The following NELL1 variants were observed in gnomAD, a reference collection of about 807,000 sequenced individuals.
NELL1 encodes protein kinase C-binding protein NELL1.
NELL1 carries 76 observed loss-of-function variants against 107.4 expected under a neutral mutation model. The observed-to-expected ratio is 0.71, with a 90% CI of 0.59 to 0.86. The LOEUF (loss-of-function observed/expected upper bound fraction) is 0.86, where lower values mean the gene tolerates loss of function less well. Among genes scored for constraint, NELL1 ranks in the 40% least tolerant of loss-of-function variants. NELL1 has a pLI of 0.00. For missense variants in NELL1, 1,024 were observed against 1,005.5 expected, an observed-to-expected ratio of 1.02 and a Z score of -0.25; for synonymous variants, 353 against 341.2, an observed-to-expected ratio of 1.03 and a Z score of -0.38.
intron 3 of NELL1, among the ~76,000 whole-genome samples, chr11:20,802,821 G>A (rs754476489): frequency 1.1e-4 from 17 of 152,124 alleles, no homozygotes; most frequent in African/African-American, 1.2e-4. Flanking sequence ...ATCAAGTGAA[G>A]TGATTGTATA....
chr11:21,205,689 G>T (rs147328659), intron 13 of NELL1, among the ~76,000 whole-genome samples: 1 of 152,232 alleles, frequency 6.6e-6, no homozygotes, highest in Non-Finnish European at 1.5e-5. Context: ...CAGCAAGCTC[G>T]CTGTCTGCCC....
chr11:20,822,700 T>C (rs1472785745), intron 3 of NELL1, among the ~76,000 whole-genome samples: 2 of 152,148 alleles, frequency 1.3e-5, no homozygotes, highest in African/African-American at 4.8e-5. Flanking sequence ...AGAGTGGGTA[T>C]GATTTGCCAG....
At chr11:21,541,280 A>C (rs537258982) in intron 16 of NELL1, among the ~76,000 whole-genome samples, 11 of 152,256 alleles carry the variant, frequency 7.2e-5, no homozygotes, top group Admixed American at 6.5e-4. Context: ...TGGGTGAAGC[A>C]GTTTCCTAGA....
chr11:21,251,895 C>T (rs1858647752), intron 14 of NELL1, among the ~76,000 whole-genome samples: 1 of 152,014 alleles, frequency 6.6e-6, no homozygotes, highest in African/African-American at 2.4e-5. Context: ...TCTGGAACAA[C>T]TTCAATGATA....
chr11:21,377,830 T>C (rs974844512), intron 15 of NELL1, among the ~76,000 whole-genome samples: 3 of 152,110 alleles, frequency 2.0e-5, no homozygotes, highest in African/African-American at 7.2e-5. Flanking sequence ...TATGTAGTGG[T>C]GTTCATAATA....
chr11:21,252,925 T>C (rs1858676927), intron 14 of NELL1, among the ~76,000 whole-genome samples: 1 of 152,194 alleles, frequency 6.6e-6, no homozygotes, highest in Non-Finnish European at 1.5e-5. Context: ...TACAACTTAG[T>C]AATTCATGGT....
At chr11:20,684,376 C>G (rs929814644) in intron 2 of NELL1, among the ~76,000 whole-genome samples, 1 of 151,976 alleles carries the variant, frequency 6.6e-6, no homozygotes, top group Admixed American at 6.6e-5. Context: ...TACGAAACTT[C>G]TGTATTATCT....
At chr11:21,309,240 C>A (rs1183465526) in intron 14 of NELL1, among the ~76,000 whole-genome samples, 1 of 128,900 alleles carries the variant, frequency 7.8e-6, no homozygotes, top group African/African-American at 2.9e-5. Context: ...ATTAAAAAAA[C>A]CCACTCTAAA....
chr11:20,931,641 G>GT (rs571058432), intron 9 of NELL1, among the ~76,000 whole-genome samples: 19 of 152,042 alleles, frequency 1.2e-4, no homozygotes, highest in Admixed American at 7.2e-4. Flanking sequence ...GTCAAATCTT[G>GT]TTTTTTAATC....
intron 3 of NELL1, among the ~76,000 whole-genome samples, chr11:20,792,633 C>T (rs1191313413): frequency 6.6e-6 from 1 of 151,860 alleles, no homozygotes; most frequent in African/African-American, 2.4e-5. Flanking sequence ...TGTCTGCCCC[C>T]TTTTATCTAT....
rs558490643 is a variant in NELL1 at position 21,398,703 on chromosome 11, A to G, written c.1645+27755A>G. Among the ~76,000 whole-genome samples, 13 of 151,890 alleles carry G rather than the reference A, an allele frequency of 8.6e-5. No individual in the cohort carries two copies. The South Asian group carries it at 2.1e-3, about 24-fold the overall frequency. On this transcript the variant is annotated intron_variant, in intron 15 of 19. Coordinates refer to ENST00000357134, the MANE Select transcript of NELL1 (RefSeq NM_006157.5). ...TCTTTACAATGTCTGGCAGATGCTC[A>G]GTAAATGGCCTCTGAACAGAATTGA...
intron 5 of NELL1, among the ~76,000 whole-genome samples, chr11:20,911,146 G>T (rs1850123077): frequency 6.6e-6 from 1 of 152,170 alleles, no homozygotes. Flanking sequence ...TAGATATAAA[G>T]AACTTTGTGC....
At chr11:20,766,931 A>G (rs1010050416) in intron 2 of NELL1, among the ~76,000 whole-genome samples, 1 of 151,988 alleles carries the variant, frequency 6.6e-6, no homozygotes, top group Non-Finnish European at 1.5e-5. Context: ...TTTAGTAAAG[A>G]TGGGGTTTCA....
At chr11:20,686,670 A>C (rs1281139650) in intron 2 of NELL1, among the ~76,000 whole-genome samples, 1 of 152,174 alleles carries the variant, frequency 6.6e-6, no homozygotes, top group East Asian at 1.9e-4. Context: ...CTCGGTGATC[A>C]ATATGAGTAG....
chr11:20,988,777 T>A (rs1851908571), intron 12 of NELL1, among the ~76,000 whole-genome samples: 1 of 151,590 alleles, frequency 6.6e-6, no homozygotes. Flanking sequence ...TTAGTAGAGA[T>A]GGGGTTTCAC....
At chr11:21,143,219 A>G (rs191701120) in intron 13 of NELL1, among the ~76,000 whole-genome samples, 1 of 152,238 alleles carries the variant, frequency 6.6e-6, no homozygotes, top group African/African-American at 2.4e-5. Flanking sequence ...ATTCATGAAC[A>G]GTTTTGGCTA....
intron 12 of NELL1, among the ~76,000 whole-genome samples, chr11:21,004,694 GT>G (rs1852292953): frequency 6.6e-6 from 1 of 152,136 alleles, no homozygotes; most frequent in Non-Finnish European, 1.5e-5. Context: ...CTAAGATTAT[GT>G]TAAGATGAAG....
chr11:21,140,446 G>A (rs2133770893), intron 13 of NELL1, among the ~76,000 whole-genome samples: 1 of 152,226 alleles, frequency 6.6e-6, no homozygotes, highest in African/African-American at 2.4e-5. Context: ...TAGATGCACT[G>A]GAGTTTAATA....
chr11:21,244,042 A>G (rs982999960), intron 14 of NELL1, among the ~76,000 whole-genome samples: 4 of 152,118 alleles, frequency 2.6e-5, no homozygotes, highest in African/African-American at 9.7e-5. Context: ...TCCATATACC[A>G]GAGGTTGAGA....
Sources: gnomAD v4.1 joint callset for allele counts (sites outside exome capture counted in the v4.1 genomes callset) on GRCh38, gnomAD v4.1.1 for gene constraint, MANE v1.5 for transcripts, NCBI Gene and HGNC (gene_info 2026-07-23, HGNC 2026-07-21) for gene names.